LCTL: variants seen among roughly 807,000 people sequenced by gnomAD.
The protein encoded by LCTL is lactase like.
Under a neutral mutation model 75.8 loss-of-function variants are expected in LCTL, and 76 were observed. That is an observed-to-expected ratio of 1.00 (90% CI 0.83 to 1.21). The LOEUF is 1.21. Ranked by LOEUF, LCTL falls within the 50% of genes most tolerant of loss-of-function variation. The pLI is 0.00. For missense variants in LCTL, 670 were observed against 712.4 expected (o/e 0.94, Z 0.68); for synonymous variants, 271 against 268.8 (o/e 1.01, Z -0.08).
Position 66,560,999 on chromosome 15 carries a change from AC to A in LCTL, c.705+6del, listed in dbSNP as rs1301959845. 1.2e-5 allele frequency: 19 copies of A among 1,613,210 alleles called. No individual in the cohort carries two copies. Among genetic ancestry groups the A allele is most frequent in the Middle Eastern group, 1.7e-4 (1 of 5,806 alleles). On this transcript the variant is annotated splice_donor_region_variant and intron_variant, in intron 6 of 12. Transcript: ENST00000341509. Reference sequence around the variant, plus strand: ...GGCTGTTCCTCCACCAGAAGGACCCACCTCACCTTAATGATGTGGTGTGCTG... The same window carrying A: ...GGCTGTTCCTCCACCAGAAGGACCCACTCACCTTAATGATGTGGTGTGCTG...
chr15:66,550,179 A>G, intron 11 of LCTL, 75 bp from the exon 13 acceptor site: 1 of 808,868 alleles, frequency 1.2e-6, no homozygotes. Flanking sequence ...TTTGAAATAA[A>G]TGTGGGGTAA....
chr15:66,563,935 G>A (rs747990848), exon 3 of LCTL: 12 of 1,613,930 alleles, frequency 7.4e-6, no homozygotes, highest in African/African-American at 5.3e-5. Flanking sequence ...GGCAGGAGCC[G>A]GGGCCAAGAC....
At chr15:66,550,805 TC>T (rs1315096514) in intron 11 of LCTL, among the ~76,000 whole-genome samples, 6 of 152,002 alleles carry the variant, frequency 3.9e-5, no homozygotes, top group Non-Finnish European at 8.8e-5. Context: ...CAGTTTATAT[TC>T]CCTACCAATA....
chr15:66,549,920 T>C (rs1264980784), intron 12 of LCTL, 121 bp downstream of exon 13: 1 of 561,736 alleles, frequency 1.8e-6, no homozygotes, highest in African/African-American at 2.0e-5. Flanking sequence ...AACCTGATTT[T>C]AATCATAAGT....
chr15:66,553,382 G>T, intron 8 of LCTL, 124 bp from the exon 10 acceptor site: 1 of 788,664 alleles, frequency 1.3e-6, no homozygotes, highest in Non-Finnish European at 1.9e-6. Flanking sequence ...TGCATGGGAA[G>T]TATAACCTTA....
chr15:66,549,075 T>G (rs1343409760), intron 12 of LCTL: 4 of 152,784 alleles, frequency 2.6e-5, no homozygotes, highest in African/African-American at 9.7e-5. Context: ...AATAATAATC[T>G]TTTTAAGAGT....
At chr15:66,563,551 G>C (rs749504818) in exon 4 of LCTL, 13 of 1,612,554 alleles carry the variant, frequency 8.1e-6, no homozygotes, top group Non-Finnish European at 1.1e-5. Flanking sequence ...GTCACGATGG[G>C]AGTGATGTTG....
chr15:66,553,172 C>T lies in LCTL; in HGVS notation c.1009G>A (p.Asp337Asn), dbSNP rs371156043. Reference sequence around the variant, plus strand: ...GTAAAATGACCTAATCCCAAGAAATCGGATGTGCCTTTAATGTAGCTCTTC... The same window carrying T: ...GTAAAATGACCTAATCCCAAGAAATTGGATGTGCCTTTAATGTAGCTCTTC... The change falls in exon 9 of 13, where the codon GAT becomes AAT. Residue 337 changes from aspartate to asparagine, a missense_variant. By Grantham distance (23) the Asp-to-Asn change is conservative. Coordinates refer to ENST00000341509, the Ensembl canonical transcript of LCTL. The T allele has an allele frequency of 8.8e-5, 141 of 1,611,118 alleles. 1 individual carries two copies. Among genetic ancestry groups the T allele is most frequent in the Admixed American group, 1.3e-4 (8 of 59,482 alleles).
At chr15:66,553,119 G>A (rs1209161579) in exon 9 of LCTL, 1 of 1,612,044 alleles carries the variant, frequency 6.2e-7, no homozygotes, top group Non-Finnish European at 8.5e-7. Context: ...GGCGGGAGGG[G>A]TAGTTCCTTT....
At position 66,565,228 on chromosome 15, in the gene LCTL, G is replaced by T. The variant is rs147563330; in HGVS notation, c.118+20C>A. The T allele has an allele frequency of 2.0e-6, 3 of 1,505,726 alleles. No individual in the cohort carries two copies. The highest frequency in any genetic ancestry group is 2.3e-5 in the East Asian group (1 of 44,342). 93.3% of individuals were successfully genotyped at this position (1,505,726 alleles called of 1,614,324 possible). A position where few individuals can be genotyped will look rare whatever the true frequency, so the allele number is the denominator to read the frequency against. On this transcript the variant is annotated intron_variant, in intron 1 of 12. Coordinates refer to ENST00000341509, the Ensembl canonical transcript of LCTL. ...GTGGACGACAGACAGGCAGACAGAC[G>T]AACAGAGGCGTGGCCGTACCAAGAG...
intron 6 of LCTL, among the ~76,000 whole-genome samples, chr15:66,558,414 C>T (rs750807982): frequency 1.3e-5 from 2 of 152,188 alleles, no homozygotes; most frequent in Non-Finnish European, 2.9e-5. Flanking sequence ...ATCTAAAACA[C>T]GCCAACCTGC....
At chr15:66,564,538 A>G in intron 2 of LCTL, 138 bp downstream of exon 3, 3 of 995,450 alleles carry the variant, frequency 3.0e-6, no homozygotes, top group Non-Finnish European at 4.4e-6. Flanking sequence ...GCACTGGGGT[A>G]GAGGGTGTTT....
chr15:66,557,621 C>T, intron 8 of LCTL, 101 bp downstream of exon 9: 4 of 1,205,566 alleles, frequency 3.3e-6, no homozygotes, highest in South Asian at 1.4e-5. Flanking sequence ...GAGTACCTCA[C>T]CCAGGCCCAG....
At chr15:66,550,192 G>GT in intron 11 of LCTL, 88 bp from the exon 13 acceptor site, 1 of 740,688 alleles carries the variant, frequency 1.4e-6, no homozygotes, top group Non-Finnish European at 2.3e-6. Flanking sequence ...TGGGGTAAAA[G>GT]TAAATATTTT....
Position 66,551,655 on chromosome 15 carries a change from G to A in LCTL, c.1524+7C>T. ...TCAGAACAGATAACATTGATAATGA[G>A]GCCTACCTCTCTTGGATTGGGAAAC... On this transcript the variant is annotated splice_region_variant and intron_variant, in intron 11 of 12. Transcript: ENST00000341509. 2 of 1,608,982 alleles carry A rather than the reference G, an allele frequency of 1.2e-6. No homozygotes were observed. Among genetic ancestry groups the A allele is most frequent in the Non-Finnish European group, 1.7e-6 (2 of 1,175,568 alleles).
chr15:66,558,035 G>A, exon 7 of LCTL: 2 of 1,601,658 alleles, frequency 1.2e-6, no homozygotes, highest in Non-Finnish European at 1.7e-6. Context: ...TTTGGCGTGG[G>A]CCTGAAAGGG....
intron 4 of LCTL, among the ~76,000 whole-genome samples, chr15:66,561,986 C>A (rs1040488665): frequency 2.0e-5 from 3 of 152,082 alleles, no homozygotes; most frequent in African/African-American, 7.2e-5. Context: ...CTAACTGAAC[C>A]GAACTGCTTG....
chr15:66,553,268 G>A lies in LCTL; in HGVS notation c.923-10C>T, dbSNP rs746009789. ...TCTGCACTCTTTCTTCCTTTTGAGA[G>A]AGAAAAGTAGAATTTAACAAAGCCT... is the stretch of plus-strand genomic sequence containing the variant. On this transcript the variant is annotated splice_polypyrimidine_tract_variant and intron_variant, in intron 8 of 12. Coordinates refer to ENST00000341509, the Ensembl canonical transcript of LCTL. 6.6e-7 allele frequency: 1 copy of A among 1,523,020 alleles called. No individual in the cohort carries two copies. 94.3% of individuals were successfully genotyped at this position (1,523,020 alleles called of 1,614,324 possible).
At chr15:66,564,463 T>C (rs2140855347) in intron 2 of LCTL, 2 of 565,702 alleles carry the variant, frequency 3.5e-6, no homozygotes, top group South Asian at 2.3e-5. Context: ...CCTTTCCTCC[T>C]ACATCCACCT....
Sources: allele counts gnomAD v4.1 joint callset (sites outside exome capture counted in the v4.1 genomes callset), GRCh38; gene constraint gnomAD v4.1.1; transcripts MANE v1.5; gene names NCBI Gene and HGNC (gene_info 2026-07-23, HGNC 2026-07-21).